GRID2: variants seen among roughly 807,000 people sequenced by gnomAD.
GRID2 encodes the protein glutamate ionotropic receptor delta type subunit 2, also known as glutamate receptor ionotropic, delta-2.
Under a neutral mutation model 114.8 loss-of-function variants are expected in GRID2, and 33 were observed. That is an observed-to-expected ratio of 0.29 (90% confidence interval 0.22 to 0.38). GRID2 has a LOEUF of 0.38. GRID2 is among the 10% of genes least tolerant of loss of function. The probability of loss-of-function intolerance (pLI) is 1.00; values close to 1 mark genes in which losing one functional copy is unlikely to be tolerated. For missense variants in GRID2, 1,184 were observed against 1,257.7 expected (o/e 0.94, Z 0.89); for synonymous variants, 505 against 449.9 (o/e 1.12, Z -1.55).
At chr4:92,505,987 G>A (rs1023644077) in intron 1 of GRID2, among the ~76,000 whole-genome samples, 2 of 151,916 alleles carry the variant, frequency 1.3e-5, no homozygotes, top group African/African-American at 4.8e-5. Context: ...AATGAAAGTA[G>A]GTATAGATTA....
chr4:93,358,036 AT>A (rs1338592110), intron 8 of GRID2, among the ~76,000 whole-genome samples: 1 of 151,790 alleles, frequency 6.6e-6, no homozygotes, highest in African/African-American at 2.4e-5. Flanking sequence ...TTTATAATTA[AT>A]GATGTTTACA....
At chr4:93,407,629 A>G (rs778033775) in intron 9 of GRID2, among the ~76,000 whole-genome samples, 19 of 151,846 alleles carry the variant, frequency 1.3e-4, no homozygotes, top group Non-Finnish European at 2.4e-4. Context: ...CAGTTTCTCT[A>G]GGTGATGGAA....
At chr4:92,442,709 T>C (rs1441339268) in intron 1 of GRID2, among the ~76,000 whole-genome samples, 5 of 152,178 alleles carry the variant, frequency 3.3e-5, no homozygotes, top group Admixed American at 1.3e-4. Context: ...TTTTAGGGTC[T>C]AGGGCTGTAA....
At chr4:93,556,478 T>G (rs891481021) in intron 13 of GRID2, among the ~76,000 whole-genome samples, 8 of 152,048 alleles carry the variant, frequency 5.3e-5, no homozygotes, top group African/African-American at 1.7e-4. Flanking sequence ...TATCAATAGC[T>G]GAATCAATCA....
At chr4:92,905,011 A>C (rs1174964949) in intron 2 of GRID2, among the ~76,000 whole-genome samples, 8 of 152,070 alleles carry the variant, frequency 5.3e-5, no homozygotes, top group African/African-American at 1.9e-4. Context: ...CAATATAAGC[A>C]GTCTCTTGTG....
chr4:93,556,149 G>A (rs895664690), intron 13 of GRID2, among the ~76,000 whole-genome samples: 2 of 152,134 alleles, frequency 1.3e-5, no homozygotes, highest in African/African-American at 4.8e-5. Context: ...ACTAAGATGA[G>A]GAAAAACCAG....
rs1339869139 is a variant in GRID2, at chr4:93,148,207, T to C, written c.735+37254T>C. ...GACCATGATTAAAACCCAGCTGACATCTGCCATATGCCTCTGAATAAGTGA... is the reference window on the plus strand; with the variant it reads ...GACCATGATTAAAACCCAGCTGACACCTGCCATATGCCTCTGAATAAGTGA... On this transcript the variant is annotated intron_variant, in intron 4 of 15. Transcript: ENST00000282020. 3.3e-5 allele frequency among the ~76,000 whole-genome samples: 5 copies of C among 152,212 alleles called. No individual in the cohort carries two copies. The East Asian group carries it at 9.6e-4, about 29-fold the overall frequency.
intron 12 of GRID2, among the ~76,000 whole-genome samples, chr4:93,494,312 G>T (rs192342534): frequency 2.0e-5 from 3 of 151,678 alleles, no homozygotes; most frequent in Non-Finnish European, 4.4e-5. Context: ...AAAATTCAGC[G>T]TTGCTTCTGC....
chr4:93,338,929 T>C (rs1349012591), intron 8 of GRID2, among the ~76,000 whole-genome samples: 1 of 152,156 alleles, frequency 6.6e-6, no homozygotes, highest in African/African-American at 2.4e-5. Context: ...CAATTGTATG[T>C]GACTTTAGGA....
intron 1 of GRID2, among the ~76,000 whole-genome samples, chr4:92,422,126 A>C (rs1731938195): frequency 6.6e-6 from 1 of 152,058 alleles, no homozygotes; most frequent in Non-Finnish European, 1.5e-5. Context: ...AATGAGCCTT[A>C]GAGACCTCAG....
chr4:93,523,842 C>G (rs990760108), intron 13 of GRID2, among the ~76,000 whole-genome samples: 10 of 152,132 alleles, frequency 6.6e-5, no homozygotes, highest in Admixed American at 1.3e-4. Flanking sequence ...TGAAGCAGCT[C>G]TGCACCATGT....
At chr4:92,426,891 G>A (rs551894964) in intron 1 of GRID2, among the ~76,000 whole-genome samples, 1 of 152,124 alleles carries the variant, frequency 6.6e-6, no homozygotes, top group South Asian at 2.1e-4. Context: ...ATCATATTTA[G>A]TAGGTGAGCC....
At chr4:92,889,165 A>C (rs1409039165) in intron 2 of GRID2, among the ~76,000 whole-genome samples, 9 of 152,170 alleles carry the variant, frequency 5.9e-5, no homozygotes, top group African/African-American at 2.2e-4. Context: ...ATTTAAGAGA[A>C]AGTAATTTTT....
At chr4:92,340,824 T>G (rs1407057136) in intron 1 of GRID2, among the ~76,000 whole-genome samples, 1 of 152,236 alleles carries the variant, frequency 6.6e-6, no homozygotes, top group Non-Finnish European at 1.5e-5. Flanking sequence ...TTACCATGAC[T>G]GGTACAGTGC....
chr4:92,382,860 C>T (rs773742801), intron 1 of GRID2, among the ~76,000 whole-genome samples: 2 of 151,746 alleles, frequency 1.3e-5, no homozygotes, highest in Non-Finnish European at 2.9e-5. Context: ...TTGTATTAGT[C>T]CATTCTCACA....
chr4:92,716,608 C>T lies in GRID2; in HGVS notation c.244+126322C>T, dbSNP rs190381851. On this transcript the variant is annotated intron_variant, in intron 2 of 15. Coordinates refer to ENST00000282020, the MANE Select transcript of GRID2 (RefSeq NM_001510.4). ...TACTACAATCTAATATAAATGAAGGCTTGTTCAGCTGTCTGTGTTTTATGT... is the reference window on the plus strand; with the variant it reads ...TACTACAATCTAATATAAATGAAGGTTTGTTCAGCTGTCTGTGTTTTATGT... Among the ~76,000 whole-genome samples the T allele has an allele frequency of 2.8e-3, 429 of 152,232 alleles. 1 individual carries two copies. Among genetic ancestry groups the T allele is most frequent in the Middle Eastern group, 6.8e-3 (2 of 294 alleles).
At chr4:92,462,422 A>G (rs1319566655) in intron 1 of GRID2, among the ~76,000 whole-genome samples, 1 of 151,552 alleles carries the variant, frequency 6.6e-6, no homozygotes, top group Non-Finnish European at 1.5e-5. Flanking sequence ...TATAAACAGG[A>G]TTTTTTTTTG....
chr4:92,602,930 T>C (rs1418181643), intron 2 of GRID2, among the ~76,000 whole-genome samples: 1 of 151,966 alleles, frequency 6.6e-6, no homozygotes, highest in Non-Finnish European at 1.5e-5. Context: ...AGTCAAATAA[T>C]AAATGAACTC....
At chr4:92,923,130 ATAGTGTTATATAATC>A (rs1749504144) in intron 2 of GRID2, among the ~76,000 whole-genome samples, 1 of 152,210 alleles carries the variant, frequency 6.6e-6, no homozygotes, top group Non-Finnish European at 1.5e-5. Flanking sequence ...ATGAAATGCA[ATAGTGTTATATAATC>A]ACTATGTAGT....
Sources: allele counts gnomAD v4.1 joint callset (sites outside exome capture counted in the v4.1 genomes callset), GRCh38; gene constraint gnomAD v4.1.1; transcripts MANE v1.5; gene names NCBI Gene and HGNC (gene_info 2026-07-23, HGNC 2026-07-21).